The following COL4A2 variants were observed in gnomAD, a reference collection of about 807,000 sequenced individuals.
COL4A2 encodes the protein collagen type IV alpha 2 chain, also known as collagen alpha-2(IV) chain.
A neutral mutation model predicts 200.2 loss-of-function variants in COL4A2; 99 were observed. That is an observed-to-expected ratio of 0.49 (90% CI 0.42 to 0.58). COL4A2 has a LOEUF of 0.58. COL4A2 is among the 20% of genes least tolerant of loss of function. The probability of loss-of-function intolerance (pLI) is 0.00; values close to 1 mark genes in which losing one functional copy is unlikely to be tolerated. For synonymous variants in COL4A2, 897 were observed against 900.6 expected, an observed-to-expected ratio of 1.00 and a Z score of 0.07; for missense variants, 1,950 against 2,314.1, an observed-to-expected ratio of 0.84 and a Z score of 3.23.
intron 45 of COL4A2, among the ~76,000 whole-genome samples, chr13:110,506,175 ACTCT>A (rs369405869): frequency 7.2e-6 from 1 of 138,924 alleles, no homozygotes; most frequent in Admixed American, 7.2e-5. Context: ...TAGGCCGTCC[ACTCT>A]CTCTCTCTCT....
At position 110,330,322 on chromosome 13, in the gene COL4A2, T is replaced by A. The variant is rs1012981350; in HGVS notation, c.99+22199T>A. ...TTTCGGGGCGAGTGTGGAAAGATACTGCTGTAACACGATGTTTTACTCGGT... is the reference window on the plus strand; with the variant it reads ...TTTCGGGGCGAGTGTGGAAAGATACAGCTGTAACACGATGTTTTACTCGGT... On this transcript the variant is annotated intron_variant, in intron 3 of 47. Transcript: ENST00000360467. 2.0e-5 allele frequency among the ~76,000 whole-genome samples: 3 copies of A among 152,104 alleles called. No homozygotes were observed. In the East Asian group the frequency reaches 5.8e-4, roughly 29 times the overall value.
chr13:110,400,575 CA>C (rs986445632), intron 4 of COL4A2, among the ~76,000 whole-genome samples: 1 of 151,672 alleles, frequency 6.6e-6, no homozygotes, highest in Non-Finnish European at 1.5e-5. Context: ...TATAGAGAAC[CA>C]AAAAAACAGA....
At chr13:110,450,762 C>T (rs1282720601) in intron 20 of COL4A2, among the ~76,000 whole-genome samples, 1 of 152,198 alleles carries the variant, frequency 6.6e-6, no homozygotes, top group Non-Finnish European at 1.5e-5. Flanking sequence ...ATCTGAGCTG[C>T]GCAGTCTGGA....
chr13:110,491,504 G>C lies in COL4A2; in HGVS notation c.3454+164G>C, dbSNP rs402661. Among the ~76,000 whole-genome samples the C allele has an allele frequency of 0.18, 27,043 of 152,182 alleles. 2,478 individuals are homozygous for C. Among genetic ancestry groups the C allele is most frequent in the East Asian group, 0.34 (1,765 of 5,166 alleles). On this transcript the variant is annotated intron_variant, in intron 37 of 47. Transcript: ENST00000360467. The stretch of plus-strand genomic sequence containing the variant: ...CTTTCCTCAGTGCTGATGGCATGGA[G>C]AGAAACAACCACCTGGGCTGGGGGG...
intron 21 of COL4A2, chr13:110,458,091 C>G (rs1379307275): frequency 4.3e-6 from 2 of 468,378 alleles, no homozygotes; most frequent in Admixed American, 2.4e-5. Flanking sequence ...TGGGACTTAC[C>G]ACGTCTTGGC....
At chr13:110,356,603 A>G (rs1877277357) in intron 3 of COL4A2, among the ~76,000 whole-genome samples, 1 of 152,090 alleles carries the variant, frequency 6.6e-6, no homozygotes, top group Non-Finnish European at 1.5e-5. Flanking sequence ...CATGCTCCAC[A>G]TGTCCAGGCA....
chr13:110,389,448 A>G (rs1478703616), intron 4 of COL4A2, among the ~76,000 whole-genome samples: 1 of 152,228 alleles, frequency 6.6e-6, no homozygotes, highest in Non-Finnish European at 1.5e-5. Flanking sequence ...AATTGAAATC[A>G]CAGAGCAGTG....
Position 110,508,268 on chromosome 13 carries a change from G to A in COL4A2, c.4881+47G>A. On this transcript the variant is annotated intron_variant, in intron 47 of 47. Transcript: ENST00000360467. The surrounding 1 kb of genome is among the most constrained non-coding windows in gnomAD (Gnocchi z 6.1). ...CCCCTCCCCAACCACACCCTGCTGG[G>A]GACACAGCAAGAACAGCTGCCTTTG... 1.3e-6 allele frequency: 2 copies of A among 1,597,634 alleles called. No homozygotes were observed. Among genetic ancestry groups the A allele is most frequent in the Non-Finnish European group, 1.7e-6 (2 of 1,169,314 alleles).
chr13:110,359,171 A>T (rs1877413090), intron 4 of COL4A2, among the ~76,000 whole-genome samples: 1 of 152,184 alleles, frequency 6.6e-6, no homozygotes, highest in South Asian at 2.1e-4. Context: ...AAGTAAGAGG[A>T]AAAAAGGGTA....
At chr13:110,409,977 G>A (rs2149067) in intron 4 of COL4A2, among the ~76,000 whole-genome samples, 58,559 of 151,896 alleles carry the variant, frequency 0.39, 11,510 homozygotes, top group East Asian at 0.46. Flanking sequence ...AGGGCCATCA[G>A]GTGGCCCTGG....
At chr13:110,399,303 A>G (rs1264437772) in intron 4 of COL4A2, among the ~76,000 whole-genome samples, 5 of 152,234 alleles carry the variant, frequency 3.3e-5, no homozygotes, top group Non-Finnish European at 7.3e-5. Flanking sequence ...GTGATGTCAG[A>G]CACCTTGTTG....
intron 4 of COL4A2, among the ~76,000 whole-genome samples, chr13:110,417,513 C>G (rs979215423): frequency 6.6e-6 from 1 of 152,114 alleles, no homozygotes; most frequent in Non-Finnish European, 1.5e-5. Context: ...AATTGACATG[C>G]AAGTCATTGA....
At chr13:110,489,670 T>C in intron 35 of COL4A2, 41 bp from the exon 36 acceptor site, 6 of 1,612,682 alleles carry the variant, frequency 3.7e-6, no homozygotes, top group Non-Finnish European at 5.1e-6. Flanking sequence ...AAAGTCCCAG[T>C]GGAAAGTCCT....
intron 6 of COL4A2, among the ~76,000 whole-genome samples, chr13:110,427,998 C>T (rs972529236): frequency 1.3e-5 from 2 of 152,158 alleles, no homozygotes; most frequent in African/African-American, 4.8e-5. Flanking sequence ...TGATAAGGAC[C>T]TCCCTGTTTT....
chr13:110,507,644 C>A (rs1883931841), intron 46 of COL4A2: 2 of 517,506 alleles, frequency 3.9e-6, no homozygotes, highest in Non-Finnish European at 7.0e-6. Context: ...AGGTAAGGCT[C>A]ACCCAAAATG....
At chr13:110,400,843 G>A (rs1170428553) in intron 4 of COL4A2, among the ~76,000 whole-genome samples, 1 of 152,104 alleles carries the variant, frequency 6.6e-6, no homozygotes, top group Non-Finnish European at 1.5e-5. Context: ...ACTTTGGCCA[G>A]CCTTCTATTT....
At chr13:110,392,628 G>A (rs1207780674) in intron 4 of COL4A2, among the ~76,000 whole-genome samples, 1 of 152,146 alleles carries the variant, frequency 6.6e-6, no homozygotes, top group African/African-American at 2.4e-5. Flanking sequence ...GACCATATTA[G>A]TACAACGCCT....
chr13:110,340,360 C>T (rs948525917), intron 3 of COL4A2, among the ~76,000 whole-genome samples: 9 of 152,194 alleles, frequency 5.9e-5, no homozygotes, highest in Admixed American at 1.3e-4. Context: ...CGTGAGCCAC[C>T]GCGCCCAGCC....
At chr13:110,357,696 A>G (rs1877340811) in intron 4 of COL4A2, 144 bp downstream of exon 4, 5 of 1,255,066 alleles carry the variant, frequency 4.0e-6, no homozygotes, top group South Asian at 3.1e-5. Context: ...ACAAACCTAG[A>G]TGGCCGGGCC....
Sources: gnomAD v4.1 joint callset for allele counts (sites outside exome capture counted in the v4.1 genomes callset) on GRCh38, gnomAD v4.1.1 for gene constraint, Gnocchi (gnomAD v3.1) non-coding constraint, MANE v1.5 for transcripts, NCBI Gene and HGNC (gene_info 2026-07-23, HGNC 2026-07-21) for gene names.